Variants in OCIAD2 observed in about 807,000 individuals in gnomAD.
The protein encoded by OCIAD2 is OCIA domain containing 2.
A neutral mutation model predicts 22.9 loss-of-function variants in OCIAD2; 29 were observed. That is an observed-to-expected ratio of 1.27 (90% CI 0.94 to 1.73). The LOEUF (loss-of-function observed/expected upper bound fraction) is 1.73, where lower values mean the gene tolerates loss of function less well. Ranked by LOEUF, OCIAD2 falls within the 40% of genes most tolerant of loss-of-function variation. The pLI is 0.00. For synonymous variants in OCIAD2, 67 were observed against 60.2 expected (o/e 1.11, Z -0.52); for missense variants, 189 against 180.3 (o/e 1.05, Z -0.28).
intron 4 of OCIAD2, among the ~76,000 whole-genome samples, chr4:48,894,574 A>G (rs2109674407): frequency 6.6e-6 from 1 of 152,324 alleles, no homozygotes; most frequent in East Asian, 1.9e-4. Context: ...CAAATTACAA[A>G]TATTAGCTGT....
Position 48,904,508 on chromosome 4 carries a change from G to A in OCIAD2, c.42C>T (p.Ala14=), listed in dbSNP as rs745993404. The change falls in exon 2 of 7, where the codon GCC becomes GCT. Residue 14 remains alanine (A), a synonymous_variant. Coordinates refer to ENST00000508632, the MANE Select transcript of OCIAD2 (RefSeq NM_001014446.3). ...CCTGCTTGCTTGGTGGTGGAAAATG[G>A]GCATCTTTATCTTGGTTTCCACGAG... ...ASARGNQDKD[A]HFPPPSKQSL... 6.2e-7 allele frequency: 1 copy of A among 1,614,004 alleles called. No homozygotes were observed. The highest frequency in any genetic ancestry group is 8.5e-7 in the Non-Finnish European group (1 of 1,179,962).
chr4:48,886,491 T>TC (rs1560455114), intron 6 of OCIAD2, among the ~76,000 whole-genome samples: 2 of 109,536 alleles, frequency 1.8e-5, no homozygotes, highest in Non-Finnish European at 3.8e-5. Flanking sequence ...CTCTTCCCCC[T>TC]CCCCCCACCC....
At position 48,892,839 on chromosome 4, in the gene OCIAD2, A is replaced by G. The variant is rs1326508628; in HGVS notation, c.316T>C (p.Cys106Arg). The G allele has an allele frequency of 1.2e-6, 2 of 1,613,058 alleles. No individual in the cohort carries two copies. The highest frequency in any genetic ancestry group is 1.3e-5 in the African/African-American group (1 of 74,898). Residue 106 changes from cysteine to arginine, a missense_variant, in exon 6 of 7, where the codon TGC (cysteine) becomes CGC (arginine). Physicochemically the swap from Cys to Arg is radical, Grantham distance 180. Transcript: ENST00000508632. ...TCAAAAAAATGGAATTTACTCTGGC[A>G]TACTCCTATGTATGATACCTTTCCA... is the stretch of plus-strand genomic sequence containing the variant. ...GLGKVSYIGV[C>R]QSKFHFFEDQ...
At chr4:48,894,455 T>C (rs1781257649) in intron 4 of OCIAD2, among the ~76,000 whole-genome samples, 2 of 152,018 alleles carry the variant, frequency 1.3e-5, no homozygotes, top group Admixed American at 1.3e-4. Flanking sequence ...ATGGCACCGA[T>C]GCACTCCAGC....
chr4:48,887,404 T>TCCTTGC (rs1367096832), intron 6 of OCIAD2, among the ~76,000 whole-genome samples: 2 of 152,240 alleles, frequency 1.3e-5, no homozygotes, highest in African/African-American at 4.8e-5. Context: ...AGACATGAAG[T>TCCTTGC]CCTTGCCCAT....
intron 1 of OCIAD2, among the ~76,000 whole-genome samples, chr4:48,905,818 G>T (rs2354948): frequency 1.6e-4 from 25 of 152,240 alleles, no homozygotes; most frequent in African/African-American, 6.0e-4. Flanking sequence ...ACTGGGGTCA[G>T]AGAGACCAGA....
chr4:48,902,647 A>G (rs1226831442), intron 2 of OCIAD2, among the ~76,000 whole-genome samples: 3 of 152,108 alleles, frequency 2.0e-5, no homozygotes, highest in African/African-American at 7.2e-5. Flanking sequence ...TAATAAACAA[A>G]TGCACACACC....
intron 6 of OCIAD2, among the ~76,000 whole-genome samples, chr4:48,890,690 G>A (rs1781145463): frequency 6.6e-6 from 1 of 152,138 alleles, no homozygotes; most frequent in South Asian, 2.1e-4. Context: ...TTGCATTAAA[G>A]TTTTATAATC....
At chr4:48,893,011 G>C in intron 5 of OCIAD2, 122 bp from the exon 6 acceptor site, 1 of 603,378 alleles carries the variant, frequency 1.7e-6, no homozygotes, top group Non-Finnish European at 3.0e-6. Flanking sequence ...AATGAATGAA[G>C]ACTCTGAGAA....
chr4:48,894,146 C>T (rs1781248689), intron 4 of OCIAD2, 93 bp from the exon 5 acceptor site: 1 of 615,074 alleles, frequency 1.6e-6, no homozygotes, highest in Admixed American at 4.1e-5. Context: ...ATAAAGAAAC[C>T]TCCAAAATTT....
At position 48,899,813 on chromosome 4, in the gene OCIAD2, T is replaced by G. The variant is rs1179497243; in HGVS notation, c.163+16A>C. On this transcript the variant is annotated intron_variant, in intron 3 of 6. Coordinates refer to ENST00000508632, the MANE Select transcript of OCIAD2 (RefSeq NM_001014446.3). The stretch of plus-strand genomic sequence containing the variant: ...AGGCAGTTTACTGCCACAAATACAG[T>G]GTTAGGTGCAATTACCTCTCTTCCA... 4 of 1,568,524 alleles carry G rather than the reference T, an allele frequency of 2.6e-6. No individual in the cohort carries two copies. Among genetic ancestry groups the G allele is most frequent in the Non-Finnish European group, 3.5e-6 (4 of 1,140,074 alleles).
At chr4:48,906,619 C>A in intron 1 of OCIAD2, 39 bp downstream of exon 1, 1 of 153,252 alleles carries the variant, frequency 6.5e-6, no homozygotes, top group Non-Finnish European at 1.5e-5. Context: ...CCGAGGCCAC[C>A]CCCTCCCGCC....
Position 48,892,784 on chromosome 4 carries a change from G to A in OCIAD2, c.371C>T (p.Pro124Leu). The A allele has an allele frequency of 6.3e-7, 1 of 1,581,964 alleles. No individual in the cohort carries two copies. Among genetic ancestry groups the A allele is most frequent in the Non-Finnish European group, 8.7e-7 (1 of 1,153,114 alleles). Residue 124 changes from proline (P) to leucine (L), a missense_variant, in exon 6 of 7, where the codon CCA (proline) becomes CTA (leucine). Transcript: ENST00000508632. ...EDQLRGAGFG[P>L]QHNRHCLLTC... is the part of the protein sequence containing the mutation. ...ACAGATTACAAACCTGTTATGCTGT[G>A]GACCAAAACCAGCCCCACGGAGCTG...
intron 2 of OCIAD2, among the ~76,000 whole-genome samples, chr4:48,900,853 CA>C (rs1379459525): frequency 1.3e-5 from 2 of 152,082 alleles, no homozygotes; most frequent in Non-Finnish European, 2.9e-5. Context: ...ATCGGCCTTC[CA>C]AAGTGCTAGG....
intron 2 of OCIAD2, among the ~76,000 whole-genome samples, chr4:48,900,694 G>A (rs1023041213): frequency 4.7e-5 from 7 of 149,044 alleles, no homozygotes; most frequent in Admixed American, 1.3e-4. Flanking sequence ...ATGCAAGGGC[G>A]TGATCTTGGC....
chr4:48,902,919 C>T (rs1266821316), intron 2 of OCIAD2, among the ~76,000 whole-genome samples: 1 of 152,076 alleles, frequency 6.6e-6, no homozygotes, highest in Non-Finnish European at 1.5e-5. Context: ...TTCCATAGCA[C>T]TCTAGCCTGG....
intron 6 of OCIAD2, among the ~76,000 whole-genome samples, chr4:48,892,276 A>T (rs919316699): frequency 6.6e-6 from 1 of 152,230 alleles, no homozygotes; most frequent in African/African-American, 2.4e-5. Context: ...AAGATCAGAG[A>T]GCTTAAGAAA....
At chr4:48,894,492 C>CA (rs904582268) in intron 4 of OCIAD2, among the ~76,000 whole-genome samples, 7 of 149,198 alleles carry the variant, frequency 4.7e-5, no homozygotes, top group East Asian at 3.9e-4. Flanking sequence ...GACTCCATCT[C>CA]AAAAAAAAAG....
At chr4:48,899,982 G>A in intron 2 of OCIAD2, 57 bp from the exon 3 acceptor site, 1 of 1,281,786 alleles carries the variant, frequency 7.8e-7, no homozygotes, top group Non-Finnish European at 1.1e-6. Context: ...CACCCACTTT[G>A]TTTTCTACAG....
Sources: gnomAD v4.1 joint callset for allele counts (sites outside exome capture counted in the v4.1 genomes callset) on GRCh38, gnomAD v4.1.1 for gene constraint, MANE v1.5 for transcripts, NCBI Gene and HGNC (gene_info 2026-07-23, HGNC 2026-07-21) for gene names.